PMS1: variants seen among roughly 807,000 people sequenced by gnomAD.
PMS1 encodes the protein PMS1 homolog 1, mismatch repair system component, also known as PMS1 protein homolog 1.
In PMS1, 79 loss-of-function variants were observed where a neutral mutation model predicts 93.1. That is an observed-to-expected ratio of 0.85 (90% CI 0.71 to 1.02). The LOEUF is 1.02. Among genes scored for constraint, PMS1 ranks in the 50% least tolerant of loss-of-function variants. PMS1 has a pLI of 0.00. For missense variants in PMS1, 1,064 were observed against 1,085.3 expected (o/e 0.98, Z 0.28); for synonymous variants, 335 against 363.4 (o/e 0.92, Z 0.89).
chr2:189,833,306 A>T (rs2053113556), intron 5 of PMS1, among the ~76,000 whole-genome samples: 1 of 152,188 alleles, frequency 6.6e-6, no homozygotes, highest in Non-Finnish European at 1.5e-5. Context: ...AAGTAAATTT[A>T]TGGCCGGGTG....
chr2:189,804,163 C>CA (rs942106661), intron 3 of PMS1, among the ~76,000 whole-genome samples: 1 of 152,126 alleles, frequency 6.6e-6, no homozygotes, highest in South Asian at 2.1e-4. Flanking sequence ...TCCTGGAACT[C>CA]AGAGTTCCAG....
chr2:189,844,565 A>C (rs1478247468), intron 6 of PMS1, among the ~76,000 whole-genome samples: 1 of 149,138 alleles, frequency 6.7e-6, no homozygotes, highest in Non-Finnish European at 1.5e-5. Context: ...AATCACTTGA[A>C]TCCAGGAGGC....
Position 189,877,622 on chromosome 2 carries a change from A to G in PMS1, c.*186A>G, listed in dbSNP as rs2057676406. 2 of 556,890 alleles carry G rather than the reference A, an allele frequency of 3.6e-6. No individual in the cohort carries two copies. Among genetic ancestry groups the G allele is most frequent in the Admixed American group, 3.1e-5 (1 of 32,770 alleles). The allele number at this position is 556,890 out of a possible 1,614,324, so 34.5% of individuals were successfully genotyped here. A position where few individuals can be genotyped will look rare whatever the true frequency, so the allele number is the denominator to read the frequency against. On this transcript the variant is annotated 3_prime_UTR_variant, in exon 13 of 13. Transcript: ENST00000441310. ...AGAAAACGTAAATAAACTAATATAG[A>G]CTATTCATTTGATTCTCAAGAACCA...
intron 11 of PMS1, among the ~76,000 whole-genome samples, chr2:189,869,559 G>A (rs1227037823): frequency 1.3e-5 from 2 of 152,140 alleles, no homozygotes; most frequent in African/African-American, 4.8e-5. Context: ...GCTCATGCCT[G>A]TAATCCTAGC....
chr2:189,834,928 C>T (rs1346274578), intron 5 of PMS1, among the ~76,000 whole-genome samples: 1 of 152,200 alleles, frequency 6.6e-6, no homozygotes, highest in Non-Finnish European at 1.5e-5. Flanking sequence ...CAGGGTCTCA[C>T]TGTGTTGCCC....
chr2:189,854,821 AT>A lies in PMS1; in HGVS notation c.1553del (p.Leu518Ter). ...GGGAGAGAATATTGAACCTGTGAAA[AT>A]TTTAGTGCCTGAAAAAAGTTTACCA... ...SVGENIEPVK[I>X]LVPEKSLPCK... On this transcript the variant is annotated frameshift_variant, in exon 9 of 13. Coordinates refer to ENST00000441310, the MANE Select transcript of PMS1 (RefSeq NM_000534.5). LOFTEE classifies it high-confidence loss of function. 1 of 1,612,846 alleles carries A rather than the reference AT, an allele frequency of 6.2e-7. No homozygotes were observed. The highest frequency in any genetic ancestry group is 8.5e-7 in the Non-Finnish European group (1 of 1,178,982).
intron 5 of PMS1, among the ~76,000 whole-genome samples, chr2:189,840,433 T>A (rs1036793137): frequency 6.6e-6 from 1 of 152,248 alleles, no homozygotes; most frequent in Non-Finnish European, 1.5e-5. Flanking sequence ...CCATTTAGGT[T>A]ACATTTCACT....
At chr2:189,796,719 A>G (rs1243426968) in intron 3 of PMS1, among the ~76,000 whole-genome samples, 3 of 152,198 alleles carry the variant, frequency 2.0e-5, no homozygotes, top group Admixed American at 2.0e-4. Flanking sequence ...TTTAAGGCTG[A>G]ATAATATTCC....
chr2:189,813,299 A>T (rs1407163246), intron 4 of PMS1, among the ~76,000 whole-genome samples: 1 of 152,254 alleles, frequency 6.6e-6, no homozygotes, highest in Non-Finnish European at 1.5e-5. Context: ...GAAGATAATG[A>T]GTTCCAGCCT....
rs1559324789 is a variant in PMS1, at chr2:189,864,690, ATATATATATATATATATATATAT to A, written c.2342+463_2342+485del. 2.5e-3 allele frequency among the ~76,000 whole-genome samples: 21 copies of A among 8,392 alleles called. 2 individuals are homozygous for A. The highest frequency in any genetic ancestry group is 1.0e-2 in the African/African-American group (18 of 1,802). The allele number at this position is 8,392 out of a possible 152,430, so 5.5% of individuals were successfully genotyped here. ...AAAAAAAAAAAAAAAAAAAAAAAAT[ATATATATATATATATATATATAT>A]ATATATATATATATATATATATGAT... On this transcript the variant is annotated intron_variant, in intron 10 of 12. Transcript: ENST00000441310.
At chr2:189,791,579 T>C (rs545413647) in intron 1 of PMS1, 1 of 434,324 alleles carries the variant, frequency 2.3e-6, no homozygotes, top group Non-Finnish European at 4.3e-6. Context: ...ATCACGCCAC[T>C]GCACTCCAGC....
intron 7 of PMS1, among the ~76,000 whole-genome samples, chr2:189,853,515 C>CTTTTTT (rs1160834468): frequency 1.1e-4 from 15 of 142,128 alleles, no homozygotes; most frequent in African/African-American, 4.0e-4. Flanking sequence ...CTTTTCTTTT[C>CTTTTTT]TTTTCTTTTT....
intron 4 of PMS1, among the ~76,000 whole-genome samples, chr2:189,813,306 G>T (rs948773406): frequency 6.6e-6 from 1 of 152,228 alleles, no homozygotes; most frequent in Non-Finnish European, 1.5e-5. Context: ...ATGAGTTCCA[G>T]CCTGAGTGTG....
intron 1 of PMS1, among the ~76,000 whole-genome samples, chr2:189,788,113 C>T (rs772877314): frequency 2.0e-5 from 3 of 152,000 alleles, no homozygotes; most frequent in Admixed American, 6.6e-5. Flanking sequence ...TTATAGGAAA[C>T]GAGACAAAGA....
intron 1 of PMS1, among the ~76,000 whole-genome samples, chr2:189,788,242 C>T (rs1429674693): frequency 6.6e-6 from 1 of 152,074 alleles, no homozygotes; most frequent in African/African-American, 2.4e-5. Context: ...CTTCTTGAAC[C>T]CAGGCCTAAT....
chr2:189,852,733 A>G lies in PMS1; in HGVS notation c.778A>G (p.Ile260Val). 1 of 1,595,958 alleles carries G rather than the reference A, an allele frequency of 6.3e-7. No homozygotes were observed. The highest frequency in any genetic ancestry group is 8.6e-7 in the Non-Finnish European group (1 of 1,163,684). Residue 260 changes from isoleucine to valine, a missense_variant, in exon 7 of 13, where the codon ATC (isoleucine) becomes GTC (valine). Ile to Val is a conservative substitution (Grantham distance 29). Transcript: ENST00000441310. Reference protein sequence around the residue: ...TSLSTPERSFIFINSRPVHQK... With the variant: ...TSLSTPERSFVFINSRPVHQK... ...TCTTTCAACACCAGAAAGAAGTTTC[A>G]TCTTCATAAACAGTCGACCAGTACA...
chr2:189,810,576 C>T (rs62184284), intron 4 of PMS1, among the ~76,000 whole-genome samples: 1 of 152,152 alleles, frequency 6.6e-6, no homozygotes, highest in Non-Finnish European at 1.5e-5. Context: ...AGAGCTAGTC[C>T]AACCCCCACA....
chr2:189,807,123 T>C (rs2050413591), intron 4 of PMS1: 1 of 171,532 alleles, frequency 5.8e-6, no homozygotes, highest in South Asian at 2.0e-4. Flanking sequence ...CCAAATTCTC[T>C]CACTCATTCA....
intron 5 of PMS1, among the ~76,000 whole-genome samples, chr2:189,825,567 G>C (rs961868553): frequency 6.6e-6 from 1 of 152,002 alleles, no homozygotes; most frequent in African/African-American, 2.4e-5. Context: ...TTCAAATAAG[G>C]GCTACTCCTA....
Sources: gnomAD v4.1 joint callset for allele counts (sites outside exome capture counted in the v4.1 genomes callset) on GRCh38, gnomAD v4.1.1 for gene constraint, MANE v1.5 for transcripts, NCBI Gene and HGNC (gene_info 2026-07-23, HGNC 2026-07-21) for gene names.